CNTN5: variants seen among roughly 807,000 people sequenced by gnomAD.
CNTN5 encodes the protein contactin 5.
In CNTN5, 77 loss-of-function variants were observed where a neutral mutation model predicts 129.1. The ratio of observed to expected loss-of-function variants is 0.60; its 90% confidence interval spans 0.50 to 0.72. The LOEUF is 0.72. CNTN5 is among the 30% of genes least tolerant of loss of function. The pLI, the probability that CNTN5 is intolerant of heterozygous loss-of-function variation, is 0.00. For synonymous variants in CNTN5, 509 were observed against 465.6 expected, an observed-to-expected ratio of 1.09 and a Z score of -1.20; for missense variants, 1,478 against 1,328.8, an observed-to-expected ratio of 1.11 and a Z score of -1.75.
chr11:100,194,806 G>A (rs1948592592), intron 15 of CNTN5, among the ~76,000 whole-genome samples: 1 of 151,452 alleles, frequency 6.6e-6, no homozygotes, highest in African/African-American at 2.4e-5. Flanking sequence ...TATATTAGTG[G>A]AAGAGTAAAG....
intron 1 of CNTN5, among the ~76,000 whole-genome samples, chr11:99,027,411 C>T (rs1213534654): frequency 4.6e-5 from 7 of 151,502 alleles, no homozygotes. Context: ...GATTTTAGAG[C>T]ATTTGATAAT....
intron 1 of CNTN5, among the ~76,000 whole-genome samples, chr11:99,305,369 G>A (rs922209230): frequency 4.6e-5 from 7 of 152,092 alleles, no homozygotes; most frequent in African/African-American, 1.4e-4. Flanking sequence ...AGCAAAAGCT[G>A]GCAATCTGTA....
At chr11:99,793,470 G>A (rs980294581) in intron 3 of CNTN5, among the ~76,000 whole-genome samples, 9 of 152,044 alleles carry the variant, frequency 5.9e-5, no homozygotes, top group East Asian at 1.9e-4. Flanking sequence ...CTTGTCTTCC[G>A]CTAGATTTGG....
intron 16 of CNTN5, among the ~76,000 whole-genome samples, chr11:100,230,325 A>T (rs961703089): frequency 6.6e-6 from 1 of 152,188 alleles, no homozygotes; most frequent in African/African-American, 2.4e-5. Context: ...GCTTATACCA[A>T]TCACTTTTCT....
intron 16 of CNTN5, among the ~76,000 whole-genome samples, chr11:100,226,910 G>A (rs1350173409): frequency 1.3e-5 from 2 of 152,038 alleles, no homozygotes; most frequent in Non-Finnish European, 2.9e-5. Context: ...TTGTTGGTCT[G>A]TAAACTCATG....
At position 99,582,533 on chromosome 11, in the gene CNTN5, T is replaced by C. The variant is rs569146062; in HGVS notation, c.55+26264T>C. On this transcript the variant is annotated intron_variant, in intron 3 of 24. Coordinates refer to ENST00000524871, the MANE Select transcript of CNTN5 (RefSeq NM_014361.4). ...GGAGGCTTTGTTCATTTCTTTTTAT[T>C]CTTTTTTCTCTCAACTTCTCTTCAT... Among the ~76,000 whole-genome samples, 259 of 152,328 alleles carry C rather than the reference T, an allele frequency of 1.7e-3. 2 individuals carry two copies. Among genetic ancestry groups the C allele is most frequent in the African/African-American group, 5.8e-3 (242 of 41,566 alleles).
At chr11:99,370,943 G>T (rs902199053) in intron 2 of CNTN5, among the ~76,000 whole-genome samples, 4 of 152,204 alleles carry the variant, frequency 2.6e-5, no homozygotes, top group Non-Finnish European at 4.4e-5. Context: ...GAAGCCTCCA[G>T]GGTATTCGTG....
At chr11:99,692,169 A>G (rs554483680) in intron 3 of CNTN5, among the ~76,000 whole-genome samples, 19 of 152,210 alleles carry the variant, frequency 1.2e-4, no homozygotes, top group African/African-American at 4.6e-4. Flanking sequence ...AAGACAGCAT[A>G]TGAATGGTTC....
In CNTN5 at chr11:99,840,830, G is replaced by T. The variant is rs538906837; in HGVS notation, c.278-4022G>T. On this transcript the variant is annotated intron_variant, in intron 4 of 24. Coordinates refer to ENST00000524871, the MANE Select transcript of CNTN5 (RefSeq NM_014361.4). ...TCCAACAAGTTATAGATTCCATCAA[G>T]CAAAAGAGTGCAGAATGTAAGTATA... Among the ~76,000 whole-genome samples the T allele has an allele frequency of 2.0e-5, 3 of 152,230 alleles. No homozygotes were observed. In the East Asian group the frequency reaches 5.8e-4, roughly 29 times the overall value.
chr11:100,105,172 A>C (rs1214071311), intron 13 of CNTN5, among the ~76,000 whole-genome samples: 1 of 152,208 alleles, frequency 6.6e-6, no homozygotes, highest in African/African-American at 2.4e-5. Context: ...AGCTTCATGA[A>C]CTTGCCCAGG....
chr11:100,149,711 A>G (rs1165093214), intron 13 of CNTN5, among the ~76,000 whole-genome samples: 2 of 151,802 alleles, frequency 1.3e-5, no homozygotes, highest in Non-Finnish European at 2.9e-5. Flanking sequence ...GCTAACACAC[A>G]GTGAAACCCC....
At chr11:100,000,862 C>A (rs577647454) in intron 8 of CNTN5, among the ~76,000 whole-genome samples, 2 of 152,170 alleles carry the variant, frequency 1.3e-5, no homozygotes, top group African/African-American at 2.4e-5. Context: ...GGGCTTGCAC[C>A]TCTGAAGCAA....
intron 13 of CNTN5, among the ~76,000 whole-genome samples, chr11:100,098,916 G>A (rs1267358009): frequency 1.3e-5 from 2 of 151,950 alleles, no homozygotes; most frequent in African/African-American, 4.8e-5. Context: ...GAAAATGAGT[G>A]GAAATCTTCA....
At chr11:99,794,950 G>A (rs1945880490) in intron 3 of CNTN5, among the ~76,000 whole-genome samples, 1 of 152,028 alleles carries the variant, frequency 6.6e-6, no homozygotes. Context: ...TGCATTTCCT[G>A]AATTTGAATG....
intron 2 of CNTN5, among the ~76,000 whole-genome samples, chr11:99,491,009 A>C (rs1256341403): frequency 6.6e-6 from 1 of 152,024 alleles, no homozygotes; most frequent in African/African-American, 2.4e-5. Flanking sequence ...CTCAAGTTGC[A>C]TATGTGGGAA....
chr11:99,331,113 T>A (rs976850297), intron 2 of CNTN5, among the ~76,000 whole-genome samples: 2 of 152,076 alleles, frequency 1.3e-5, no homozygotes, highest in African/African-American at 4.8e-5. Context: ...TTTATTTTGG[T>A]TTAACTTCAA....
At chr11:99,842,095 G>T (rs1360555488) in intron 4 of CNTN5, among the ~76,000 whole-genome samples, 1 of 151,794 alleles carries the variant, frequency 6.6e-6, no homozygotes. Flanking sequence ...GGGTTTCACC[G>T]TGTTGGCCAG....
At chr11:99,890,358 A>G (rs566894257) in intron 6 of CNTN5, among the ~76,000 whole-genome samples, 2 of 152,214 alleles carry the variant, frequency 1.3e-5, no homozygotes, top group Admixed American at 1.3e-4. Context: ...TCAGTATATA[A>G]AGAAATATAT....
At chr11:99,427,969 T>A (rs180861867) in intron 2 of CNTN5, among the ~76,000 whole-genome samples, 1 of 152,104 alleles carries the variant, frequency 6.6e-6, no homozygotes, top group East Asian at 1.9e-4. Context: ...AACTTTTCCA[T>A]ACATTTTCTT....
Sources: gnomAD v4.1 joint callset for allele counts (sites outside exome capture counted in the v4.1 genomes callset) on GRCh38, gnomAD v4.1.1 for gene constraint, MANE v1.5 for transcripts, NCBI Gene and HGNC (gene_info 2026-07-23, HGNC 2026-07-21) for gene names.